The following PLB1 variants were observed in gnomAD, a reference collection of about 807,000 sequenced individuals.
PLB1 encodes the protein phospholipase B1.
PLB1 carries 242 observed loss-of-function variants against 227.4 expected under a neutral mutation model. The ratio of observed to expected loss-of-function variants is 1.06; its 90% CI spans 0.96 to 1.18. PLB1 has a LOEUF of 1.18. Ranked by LOEUF, PLB1 falls within the 50% of genes most tolerant of loss-of-function variation. The pLI is 0.00. For missense variants in PLB1, 1,858 were observed against 1,816.3 expected (o/e 1.02, Z -0.42); for synonymous variants, 757 against 682.2 (o/e 1.11, Z -1.71).
At chr2:28,533,502 C>T (rs777139657) in intron 9 of PLB1, among the ~76,000 whole-genome samples, 1 of 152,210 alleles carries the variant, frequency 6.6e-6, no homozygotes, top group Non-Finnish European at 1.5e-5. Flanking sequence ...TCTCTGTACT[C>T]ATTAATCCAT....
chr2:28,541,996 G>T (rs1343728297), intron 13 of PLB1, among the ~76,000 whole-genome samples, 185 bp downstream of exon 13: 1 of 152,154 alleles, frequency 6.6e-6, no homozygotes, highest in Non-Finnish European at 1.5e-5. Context: ...AGCCAGGCAT[G>T]ATGGTGGGCG....
chr2:28,518,499 A>G lies in PLB1; in HGVS notation c.151A>G (p.Asn51Asp). ...LKNSPFPCNP[N>D]KLGVNMPSKS... ...GAATTCTCCATTCCCATGCAACCCA[A>G]ATAAATTAGGAGTGAATATGCCTTC... Residue 51 changes from asparagine to aspartate, a missense_variant, in exon 3 of 58, where the codon AAT becomes GAT. Asn to Asp is a conservative substitution (Grantham distance 23). Transcript: ENST00000327757. 1 of 1,613,292 alleles carries G rather than the reference A, an allele frequency of 6.2e-7. No homozygotes were observed. The highest frequency in any genetic ancestry group is 2.2e-5 in the East Asian group (1 of 44,866).
intron 40 of PLB1, 129 bp downstream of exon 40, chr2:28,604,176 GC>G: frequency 1.2e-6 from 1 of 817,852 alleles, no homozygotes. Context: ...ACGGGGAGCA[GC>G]CTGGGTGCCT....
At chr2:28,613,642 C>T (rs938564760) in intron 43 of PLB1, among the ~76,000 whole-genome samples, 3 of 152,106 alleles carry the variant, frequency 2.0e-5, no homozygotes, top group Admixed American at 6.5e-5. Context: ...TACAGATACT[C>T]AAATATATTG....
Position 28,630,664 on chromosome 2 carries a change from G to C in PLB1, c.3897G>C (p.Gln1299His). The C allele has an allele frequency of 6.2e-7, 1 of 1,609,948 alleles. No individual in the cohort carries two copies. ...TGAAGAAAGTGAACTGGAACCTCCA[G>C]GTAAGCCCTGCAGCCCTTCTCTTAC... ...QELKKVNWNL[Q>H]HGISSFSYWH... The change falls in exon 54 of 58, where the codon CAG (glutamine) becomes CAC (histidine). Residue 1299 changes from glutamine to histidine, a missense_variant and splice_region_variant. Transcript: ENST00000327757.
chr2:28,617,825 C>T, intron 45 of PLB1, 38 bp downstream of exon 45: 1 of 1,580,246 alleles, frequency 6.3e-7, no homozygotes, highest in Non-Finnish European at 8.7e-7. Context: ...AATTAAGGGC[C>T]TTGCCGAATA....
At chr2:28,508,528 C>G (rs530098870) in intron 1 of PLB1, among the ~76,000 whole-genome samples, 1 of 152,348 alleles carries the variant, frequency 6.6e-6, no homozygotes, top group South Asian at 2.1e-4. Flanking sequence ...CATGCAGCAC[C>G]TGCTCACAGG....
intron 32 of PLB1, 142 bp from the exon 33 acceptor site, chr2:28,593,539 A>AGGAG (rs1682360680): frequency 1.5e-6 from 1 of 683,026 alleles, no homozygotes; most frequent in African/African-American, 1.8e-5. Flanking sequence ...TGGCAGACTT[A>AGGAG]GAGCCAGGGG....
At chr2:28,623,283 G>A (rs1337635712) in intron 49 of PLB1, among the ~76,000 whole-genome samples, 2 of 151,470 alleles carry the variant, frequency 1.3e-5, no homozygotes, top group South Asian at 2.1e-4. Context: ...CAAGATGTGT[G>A]GATCAGGGAG....
chr2:28,516,860 A>G lies in PLB1; in HGVS notation c.108A>G (p.Leu36=), dbSNP rs756617817. 1.9e-6 allele frequency: 3 copies of G among 1,613,782 alleles called. No individual in the cohort carries two copies. Among genetic ancestry groups the G allele is most frequent in the Non-Finnish European group, 2.5e-6 (3 of 1,179,674 alleles). ...GAAAGAGTACATTGGAAGGGCAGCTATGGCCAGAGGTAAGGGCTTTGGCTG... is the reference window on the plus strand; with the variant it reads ...GAAAGAGTACATTGGAAGGGCAGCTGTGGCCAGAGGTAAGGGCTTTGGCTG... ...SPRKSTLEGQ[L]WPETLKNSPF... is the part of the protein sequence containing the mutation. Residue 36 remains leucine, a synonymous_variant, in exon 2 of 58, where the codon CTA becomes CTG. Coordinates refer to ENST00000327757, the MANE Select transcript of PLB1 (RefSeq NM_153021.5).
intron 43 of PLB1, among the ~76,000 whole-genome samples, chr2:28,609,961 T>C (rs937741276): frequency 5.9e-5 from 9 of 152,324 alleles, no homozygotes; most frequent in African/African-American, 1.7e-4. Flanking sequence ...AATAGACTTA[T>C]GTAATCTTAG....
In PLB1 at chr2:28,618,381, C is replaced by T. The variant is rs1355949224; in HGVS notation, c.3297C>T (p.Ala1099=). Residue 1099 remains alanine (A), a synonymous_variant, in exon 46 of 58, where the codon GCC becomes GCT. Transcript: ENST00000327757. ...CAGCAGACATCAAAGTGGTGGCCGC[C>T]CTGGGTGACTCTCTGACTGTGAGTA... ...LRPADIKVVA[A]LGDSLTTAVG... is the part of the protein sequence containing the mutation. 2.5e-6 allele frequency: 4 copies of T among 1,614,110 alleles called. No homozygotes were observed. The African/African-American group carries it at 4.0e-5, about 16-fold the overall frequency.
intron 1 of PLB1, among the ~76,000 whole-genome samples, chr2:28,501,407 T>C (rs1667085960): frequency 6.6e-6 from 1 of 152,254 alleles, no homozygotes. Flanking sequence ...AATATTGTGT[T>C]CAGAATCACT....
chr2:28,527,959 T>A (rs1670492887), intron 6 of PLB1, among the ~76,000 whole-genome samples: 1 of 152,188 alleles, frequency 6.6e-6, no homozygotes, highest in Non-Finnish European at 1.5e-5. Flanking sequence ...ATTCATGCTG[T>A]CCCTGTAAAC....
intron 1 of PLB1, among the ~76,000 whole-genome samples, chr2:28,512,102 C>T (rs977246839): frequency 3.1e-5 from 4 of 127,570 alleles, no homozygotes; most frequent in Admixed American, 2.7e-4. Context: ...CTCTCTCTCT[C>T]TTCTTCTTCT....
chr2:28,593,986 G>C, intron 33 of PLB1: 1 of 744,454 alleles, frequency 1.3e-6, no homozygotes, highest in Non-Finnish European at 2.5e-6. Flanking sequence ...AGTAAACCAG[G>C]GTTCTTATCA....
At chr2:28,613,426 C>T (rs1215804412) in intron 43 of PLB1, among the ~76,000 whole-genome samples, 2 of 152,176 alleles carry the variant, frequency 1.3e-5, no homozygotes, top group African/African-American at 4.8e-5. Flanking sequence ...TTGTCTGCTT[C>T]CTTCTTCCTT....
chr2:28,581,984 G>T (rs898368414), intron 23 of PLB1, 84 bp from the exon 24 acceptor site: 8 of 1,316,328 alleles, frequency 6.1e-6, no homozygotes, highest in Non-Finnish European at 8.5e-6. Context: ...AAAAAAAGAA[G>T]GGGACCCAAG....
At chr2:28,610,602 C>T (rs1685303811) in intron 43 of PLB1, among the ~76,000 whole-genome samples, 1 of 152,180 alleles carries the variant, frequency 6.6e-6, no homozygotes, top group African/African-American at 2.4e-5. Flanking sequence ...CCAACCCCTG[C>T]CTCATATGGG....
Sources: gnomAD v4.1 joint callset for allele counts (sites outside exome capture counted in the v4.1 genomes callset) on GRCh38, gnomAD v4.1.1 for gene constraint, MANE v1.5 for transcripts, NCBI Gene and HGNC (gene_info 2026-07-23, HGNC 2026-07-21) for gene names.